The following NIPAL4 variants were observed in gnomAD, a reference collection of about 807,000 sequenced individuals.
The protein encoded by NIPAL4 is NIPA like domain containing 4.
In NIPAL4, 21 loss-of-function variants were observed where a neutral mutation model predicts 31.6. The ratio of observed to expected loss-of-function variants is 0.67; its 90% CI spans 0.47 to 0.96. NIPAL4 has a LOEUF of 0.96. Ranked by LOEUF, NIPAL4 falls within the 40% of genes least tolerant of loss-of-function variation. The pLI is 0.00. For synonymous variants in NIPAL4, 175 were observed against 211.1 expected, an observed-to-expected ratio of 0.83 and a Z score of 1.48; for missense variants, 438 against 508.0, an observed-to-expected ratio of 0.86 and a Z score of 1.32.
chr5:157,473,979 G>C lies in NIPAL4; in HGVS notation c.*1019G>C, dbSNP rs1395538977. 2.0e-5 allele frequency: 3 copies of C among 152,280 alleles called. No homozygotes were observed. The highest frequency in any genetic ancestry group is 7.2e-5 in the African/African-American group (3 of 41,452). 9.4% of individuals were successfully genotyped at this position (152,280 alleles called of 1,614,324 possible). The stretch of plus-strand genomic sequence containing the variant: ...GTCCCAGGCTCTCTGGATACTAGGG[G>C]CTAACTTTTGTGTTGACTCTGGTGC... On this transcript the variant is annotated 3_prime_UTR_variant, in exon 6 of 6. Coordinates refer to ENST00000311946, the MANE Select transcript of NIPAL4 (RefSeq NM_001099287.2).
intron 3 of NIPAL4, 146 bp downstream of exon 3, chr5:157,467,251 T>G (rs1754302730): frequency 1.5e-6 from 1 of 673,752 alleles, no homozygotes; most frequent in South Asian, 1.5e-5. Context: ...TTGACAACCT[T>G]TACAGGGAGA....
At chr5:157,469,188 C>A (rs376950217) in intron 4 of NIPAL4, among the ~76,000 whole-genome samples, 2 of 152,186 alleles carry the variant, frequency 1.3e-5, no homozygotes, top group South Asian at 4.1e-4. Context: ...TTAGTAGTCA[C>A]GTTACCATAG....
rs1754151042 is a variant in NIPAL4, at chr5:157,463,077, G to A, written c.38-17G>A. On this transcript the variant is annotated splice_polypyrimidine_tract_variant and intron_variant, in intron 1 of 5. Coordinates refer to ENST00000311946, the MANE Select transcript of NIPAL4 (RefSeq NM_001099287.2). ...TTGTCCCCAGTGTGACTCTCTCACT[G>A]TGGTCTTCCCATCCAGGTTCCCTGC... 6.2e-7 allele frequency: 1 copy of A among 1,613,388 alleles called. No individual in the cohort carries two copies. Among genetic ancestry groups the A allele is most frequent in the South Asian group, 1.1e-5 (1 of 91,066 alleles).
intron 5 of NIPAL4, among the ~76,000 whole-genome samples, 199 bp downstream of exon 5, chr5:157,472,016 A>G (rs1214494632): frequency 6.6e-6 from 1 of 152,232 alleles, no homozygotes; most frequent in African/African-American, 2.4e-5. Context: ...ATGTATGGGT[A>G]CCATTAATAA....
rs1427809693 is a variant in NIPAL4 at position 157,460,357 on chromosome 5, G to T, written c.37G>T (p.Gly13Cys). 6.5e-7 allele frequency: 1 copy of T among 1,544,918 alleles called. No individual in the cohort carries two copies. Among genetic ancestry groups the T allele is most frequent in the Non-Finnish European group, 8.7e-7 (1 of 1,145,662 alleles). ...GGTCAGCAACACCAGCTGCGAGAAC[G>T]GTGCGTACGGCAGGGCTGGGGACCA... ...LRVSNTSCENGSLLHLYCSSQ... is the reference protein window; with the variant it reads ...LRVSNTSCENCSLLHLYCSSQ... Residue 13 changes from glycine to cysteine, a missense_variant and splice_region_variant, in exon 1 of 6, where the codon GGT becomes TGT. Gly to Cys is a radical substitution (Grantham distance 159). Transcript: ENST00000311946.
At chr5:157,464,960 C>A (rs1754213583) in intron 2 of NIPAL4, among the ~76,000 whole-genome samples, 1 of 152,096 alleles carries the variant, frequency 6.6e-6, no homozygotes, top group Admixed American at 6.5e-5. Context: ...AGAATCATAC[C>A]TAGCACAGAG....
At position 157,464,574 on chromosome 5, in the gene NIPAL4, A is replaced by C. The variant is rs527283969; in HGVS notation, c.277+1241A>C. The stretch of plus-strand genomic sequence containing the variant: ...GATTCCAAAGCTAGTTTTTGAAGGT[A>C]GAATTTACCAGCTTTGATACAGACC... On this transcript the variant is annotated intron_variant, in intron 2 of 5. Coordinates refer to ENST00000311946, the MANE Select transcript of NIPAL4 (RefSeq NM_001099287.2). Among the ~76,000 whole-genome samples the C allele has an allele frequency of 7.2e-5, 11 of 152,240 alleles. No homozygotes were observed. In the East Asian group the frequency reaches 1.7e-3, roughly 24 times the overall value.
intron 2 of NIPAL4, 77 bp downstream of exon 2, chr5:157,463,410 G>A (rs1173138819): frequency 4.8e-6 from 7 of 1,461,652 alleles, no homozygotes; most frequent in Non-Finnish European, 6.4e-6. Flanking sequence ...AGTCTAAGAG[G>A]ATGGCCTCAG....
chr5:157,470,192 G>A (rs1360329332), intron 4 of NIPAL4, among the ~76,000 whole-genome samples: 3 of 152,302 alleles, frequency 2.0e-5, no homozygotes, highest in Middle Eastern at 3.4e-3. Flanking sequence ...CCACCTTCAT[G>A]AAGAGACAGA....
intron 4 of NIPAL4, among the ~76,000 whole-genome samples, chr5:157,470,704 G>T (rs182062436): frequency 6.6e-6 from 1 of 152,326 alleles, no homozygotes; most frequent in East Asian, 1.9e-4. Flanking sequence ...GACCCGAGGA[G>T]CAGAGATAGA....
chr5:157,460,453 G>A (rs12332192), intron 1 of NIPAL4, 96 bp downstream of exon 1: 1 of 1,278,848 alleles, frequency 7.8e-7, no homozygotes, highest in Non-Finnish European at 1.1e-6. Context: ...TCCCAGGGGG[G>A]CCAAAGCTGG....
At position 157,473,079 on chromosome 5, in the gene NIPAL4, G is replaced by A. The variant is rs962858199; in HGVS notation, c.*119G>A. 3.7e-6 allele frequency: 3 copies of A among 811,192 alleles called. No homozygotes were observed. Among genetic ancestry groups the A allele is most frequent in the Non-Finnish European group, 5.5e-6 (3 of 546,166 alleles). 50.2% of individuals were successfully genotyped at this position (811,192 alleles called of 1,614,324 possible). On this transcript the variant is annotated 3_prime_UTR_variant, in exon 6 of 6. Coordinates refer to ENST00000311946, the MANE Select transcript of NIPAL4 (RefSeq NM_001099287.2). ...CCAATGGGCTCTCTTTTCTTGAGAA[G>A]TTCATTTATACCTCATCACTGTTTC...
intron 1 of NIPAL4, 123 bp downstream of exon 1, chr5:157,460,480 C>T: frequency 5.2e-6 from 5 of 953,914 alleles, no homozygotes; most frequent in Middle Eastern, 2.1e-4. Context: ...GCAGGGCCAG[C>T]ACGAGGTGGC....
intron 3 of NIPAL4, among the ~76,000 whole-genome samples, chr5:157,468,440 G>A (rs1268237821): frequency 6.6e-6 from 1 of 152,174 alleles, no homozygotes; most frequent in Non-Finnish European, 1.5e-5. Flanking sequence ...TGTCAGACTA[G>A]AAGCCAAGAG....
chr5:157,462,652 G>C (rs1174182361), intron 1 of NIPAL4, among the ~76,000 whole-genome samples: 1 of 152,176 alleles, frequency 6.6e-6, no homozygotes, highest in Non-Finnish European at 1.5e-5. Context: ...TTGGCTTTGG[G>C]CAGGTTACTA....
rs764880608 is a variant in NIPAL4, at chr5:157,472,656, C to T, written c.911C>T (p.Thr304Met). Residue 304 changes from threonine (T) to methionine (M), a missense_variant, in exon 6 of 6, where the codon ACG becomes ATG. Physicochemically the swap from Thr to Met is moderately conservative, Grantham distance 81. Coordinates refer to ENST00000311946, the MANE Select transcript of NIPAL4 (RefSeq NM_001099287.2). ...CCCATCTACTACGTGTTCTTCACCACGGTGGTCGTTACCTCGTCCATCATC... is the reference window on the plus strand; with the variant it reads ...CCCATCTACTACGTGTTCTTCACCATGGTGGTCGTTACCTCGTCCATCATC... ...VFPIYYVFFT[T>M]VVVTSSIILF... The T allele has an allele frequency of 8.7e-6, 14 of 1,613,852 alleles. No homozygotes were observed. The highest frequency in any genetic ancestry group is 3.3e-5 in the Admixed American group (2 of 60,002).
At chr5:157,467,225 T>G in intron 3 of NIPAL4, 120 bp downstream of exon 3, 2 of 736,682 alleles carry the variant, frequency 2.7e-6, no homozygotes, top group Non-Finnish European at 4.8e-6. Context: ...GAGGCCCAGA[T>G]TCCCAGGGGA....
rs1010679147 is a variant in NIPAL4, at chr5:157,460,474, G to A, written c.37+117G>A. ...GGGGGCCAAAGCTGGGGAGGGGCAGGGCCAGCACGAGGTGGCTCCCACCCA... is the reference window on the plus strand; with the variant it reads ...GGGGGCCAAAGCTGGGGAGGGGCAGAGCCAGCACGAGGTGGCTCCCACCCA... On this transcript the variant is annotated intron_variant, in intron 1 of 5. Transcript: ENST00000311946. 6.7e-6 allele frequency: 7 copies of A among 1,045,258 alleles called. No individual in the cohort carries two copies. The East Asian group carries it at 1.8e-4, about 27-fold the overall frequency. The allele number at this position is 1,045,258 out of a possible 1,614,324, so 64.7% of individuals were successfully genotyped here.
At position 157,471,766 on chromosome 5, in the gene NIPAL4, G is replaced by A; in HGVS notation, c.535G>A (p.Glu179Lys). The change falls in exon 5 of 6, where the codon GAA becomes AAA. Residue 179 changes from glutamate (E) to lysine (K), a missense_variant. Transcript: ENST00000311946. Reference sequence around the variant, plus strand: ...AGTGATGGTGATACATGCTCCTGAGGAAGAGAAGGTCACTACCATCATGGA... The same window carrying A: ...AGTGATGGTGATACATGCTCCTGAGAAAGAGAAGGTCACTACCATCATGGA... ...STVMVIHAPE[E>K]EKVTTIMEMA... The A allele has an allele frequency of 6.2e-7, 1 of 1,602,098 alleles. No homozygotes were observed. The highest frequency in any genetic ancestry group is 8.5e-7 in the Non-Finnish European group (1 of 1,174,210).
Sources: allele counts gnomAD v4.1 joint callset (sites outside exome capture counted in the v4.1 genomes callset), GRCh38; gene constraint gnomAD v4.1.1; transcripts MANE v1.5; gene names NCBI Gene and HGNC (gene_info 2026-07-23, HGNC 2026-07-21).